SLC14A2: variants seen among roughly 807,000 people sequenced by gnomAD.
The protein encoded by SLC14A2 is urea transporter 2.
A neutral mutation model predicts 104.6 loss-of-function variants in SLC14A2; 91 were observed. That is an observed-to-expected ratio of 0.87 (90% CI 0.73 to 1.04). The LOEUF (loss-of-function observed/expected upper bound fraction) is 1.04. SLC14A2 is among the 50% of genes least tolerant of loss of function. The pLI is 0.00. For synonymous variants in SLC14A2, 476 were observed against 466.4 expected, an observed-to-expected ratio of 1.02 and a Z score of -0.27; for missense variants, 1,189 against 1,156.0, an observed-to-expected ratio of 1.03 and a Z score of -0.41.
upstream of SLC14A2, among the ~76,000 whole-genome samples, chr18:45,611,529 A>G (rs1020768453): frequency 6.6e-6 from 1 of 152,214 alleles, no homozygotes; most frequent in African/African-American, 2.4e-5. Flanking sequence ...GCTTCACACC[A>G]TGGCACAGCA....
chr18:45,341,622 T>G (rs1299082582), intron 1 of SLC14A2, among the ~76,000 whole-genome samples: 2 of 143,964 alleles, frequency 1.4e-5, no homozygotes, highest in Admixed American at 1.4e-4. Context: ...TTTTTTTTTT[T>G]GAGATGGACT....
At chr18:45,613,626 C>T (rs907088342), upstream of SLC14A2, among the ~76,000 whole-genome samples, 5 of 152,248 alleles carry the variant, frequency 3.3e-5, no homozygotes, top group African/African-American at 9.6e-5. Flanking sequence ...GTAAAGGTCA[C>T]TCTTGCTATG....
At chr18:45,447,688 A>G (rs2086792262) in intron 1 of SLC14A2, 2 of 152,204 alleles carry the variant, frequency 1.3e-5, no homozygotes, top group Admixed American at 1.3e-4. Context: ...TTGCTTTAGT[A>G]TTTGGAGATT....
intron 1 of SLC14A2, among the ~76,000 whole-genome samples, chr18:45,424,765 G>A (rs1227670953): frequency 6.6e-6 from 1 of 152,214 alleles, no homozygotes; most frequent in African/African-American, 2.4e-5. Flanking sequence ...AGCTGGACAA[G>A]ACCCAAAATT....
At chr18:45,388,078 T>C (rs1308369793) in intron 1 of SLC14A2, among the ~76,000 whole-genome samples, 1 of 136,220 alleles carries the variant, frequency 7.3e-6, no homozygotes, top group African/African-American at 2.8e-5. Context: ...TTTTTTTTTT[T>C]TTTTTTTTTT....
At chr18:45,314,273 C>T (rs1411187438) in intron 1 of SLC14A2, among the ~76,000 whole-genome samples, 4 of 152,154 alleles carry the variant, frequency 2.6e-5, no homozygotes, top group African/African-American at 9.7e-5. Flanking sequence ...TTGCCCGTGT[C>T]CAAGATACAC....
chr18:45,252,060 G>A (rs1189651694), intron 1 of SLC14A2, among the ~76,000 whole-genome samples: 1 of 152,160 alleles, frequency 6.6e-6, no homozygotes, highest in African/African-American at 2.4e-5. Context: ...ACTGATGAAA[G>A]CTATTTCTGC....
intron 1 of SLC14A2, among the ~76,000 whole-genome samples, chr18:45,459,348 T>C (rs2246665): frequency 0.8 from 121,707 of 152,168 alleles, 48,972 homozygotes; most frequent in South Asian, 0.93. Context: ...CTTGTCTCCA[T>C]GTGCTGTAGA....
intron 1 of SLC14A2, among the ~76,000 whole-genome samples, chr18:45,618,668 T>C (rs1229143843): frequency 7.6e-5 from 3 of 39,566 alleles, no homozygotes; most frequent in Non-Finnish European, 1.2e-4. Context: ...AAACTCTGTC[T>C]CAAAAAAAAA....
At chr18:45,280,252 G>A (rs965772036) in intron 1 of SLC14A2, among the ~76,000 whole-genome samples, 15 of 152,106 alleles carry the variant, frequency 9.9e-5, no homozygotes, top group Admixed American at 2.6e-4. Context: ...TAAGGGCGCC[G>A]CTGATGTGCA....
At chr18:45,442,353 T>C (rs1479440754) in intron 1 of SLC14A2, among the ~76,000 whole-genome samples, 2 of 152,144 alleles carry the variant, frequency 1.3e-5, no homozygotes, top group Non-Finnish European at 2.9e-5. Flanking sequence ...ATCAAGGTAT[T>C]GATAGAGTTC....
intron 1 of SLC14A2, among the ~76,000 whole-genome samples, chr18:45,232,962 A>G (rs2084189369): frequency 6.6e-6 from 1 of 152,212 alleles, no homozygotes; most frequent in African/African-American, 2.4e-5. Flanking sequence ...GACTTCTTGC[A>G]CCCCAATTTT....
chr18:45,485,255 T>C (rs535488060), intron 2 of SLC14A2: 2 of 152,316 alleles, frequency 1.3e-5, no homozygotes, highest in East Asian at 1.9e-4. Context: ...TAAGTCAAAA[T>C]TGTATTACTA....
chr18:45,341,133 T>G (rs767544598), intron 1 of SLC14A2, among the ~76,000 whole-genome samples: 9 of 151,224 alleles, frequency 6.0e-5, no homozygotes, highest in Non-Finnish European at 1.2e-4. Flanking sequence ...TTTTTCAATA[T>G]ATAGCCTCAG....
intron 1 of SLC14A2, among the ~76,000 whole-genome samples, chr18:45,281,130 T>C (rs1288915649): frequency 6.6e-6 from 1 of 152,214 alleles, no homozygotes; most frequent in Non-Finnish European, 1.5e-5. Flanking sequence ...ATCCCATCTG[T>C]ATCACAAGCA....
intron 1 of SLC14A2, among the ~76,000 whole-genome samples, chr18:45,232,123 G>A (rs1429705537): frequency 6.6e-6 from 1 of 152,136 alleles, no homozygotes; most frequent in Non-Finnish European, 1.5e-5. Context: ...TTCTCACACT[G>A]CTAGCAAGAA....
At chr18:45,474,380 T>A (rs549220275) in intron 1 of SLC14A2, among the ~76,000 whole-genome samples, 1 of 152,288 alleles carries the variant, frequency 6.6e-6, no homozygotes, top group East Asian at 1.9e-4. Context: ...ATCAGGATGA[T>A]GTTGGCCCAG....
intron 2 of SLC14A2, among the ~76,000 whole-genome samples, chr18:45,604,929 A>G (rs1471937605): frequency 6.6e-6 from 1 of 152,168 alleles, no homozygotes; most frequent in African/African-American, 2.4e-5. Flanking sequence ...CAATAGCCCT[A>G]CCATTTTTGT....
chr18:45,452,320 G>A (rs1340111126), intron 1 of SLC14A2, among the ~76,000 whole-genome samples: 2 of 152,186 alleles, frequency 1.3e-5, no homozygotes, highest in Admixed American at 6.5e-5. Context: ...TGAAACACCA[G>A]TGAATTTTTT....
Sources: allele counts gnomAD v4.1 joint callset (sites outside exome capture counted in the v4.1 genomes callset), GRCh38; gene constraint gnomAD v4.1.1; transcripts MANE v1.5; gene names NCBI Gene and HGNC (gene_info 2026-07-23, HGNC 2026-07-21).